CYP26B1: variants seen among roughly 807,000 people sequenced by gnomAD.
CYP26B1 encodes cytochrome P450 26B1.
In CYP26B1, 8 loss-of-function variants were observed where a neutral mutation model predicts 39.1. That is an observed-to-expected ratio of 0.20 (90% CI 0.12 to 0.37). CYP26B1 has a LOEUF of 0.37. Among genes scored for constraint, CYP26B1 ranks in the 10% least tolerant of loss-of-function variants. The pLI is 1.00. For synonymous variants in CYP26B1, 321 were observed against 314.3 expected, an observed-to-expected ratio of 1.02 and a Z score of -0.23; for missense variants, 615 against 707.0, an observed-to-expected ratio of 0.87 and a Z score of 1.48.
At chr2:72,143,145 G>C (rs1343736547) in intron 2 of CYP26B1, 3 of 163,810 alleles carry the variant, frequency 1.8e-5, no homozygotes, top group African/African-American at 7.2e-5. Flanking sequence ...TGACCCAGTG[G>C]AAAAAAATGG....
rs759456027 is a variant in CYP26B1 at position 72,133,085 on chromosome 2, T to C, written c.1084A>G (p.Met362Val). The C allele has an allele frequency of 2.0e-5, 33 of 1,613,030 alleles. 1 individual carries two copies. In the South Asian group the frequency reaches 3.5e-4, roughly 17 times the overall value. The stretch of plus-strand genomic sequence containing the variant: ...CCGGAAATGGGCGTGAACAGGCGCA[T>C]GACCTCCTTGATGACGCAGTCCAGG... ...RYLDCVIKEV[M>V]RLFTPISGGY... Residue 362 changes from methionine to valine, a missense_variant, in exon 5 of 6, where the codon ATG becomes GTG. Transcript: ENST00000001146.
At chr2:72,132,678 C>G in intron 5 of CYP26B1, 59 bp from the exon 6 acceptor site, 2 of 1,543,530 alleles carry the variant, frequency 1.3e-6, no homozygotes. Flanking sequence ...CCACAGAGGG[C>G]CCAGGACTGC....
intron 4 of CYP26B1, among the ~76,000 whole-genome samples, chr2:72,134,500 A>C (rs568391139): frequency 7.2e-5 from 11 of 152,290 alleles, no homozygotes; most frequent in African/African-American, 2.4e-4. Flanking sequence ...TGGGACTAGG[A>C]AATGAACTGA....
chr2:72,129,275 A>G lies in CYP26B1; in HGVS notation c.*2952T>C, dbSNP rs1676480496. ...GGTTTATTCTAGAAGCCTATAGAAGAGCCACATTGAGTATTTCCAAAATCA... is the reference window on the plus strand; with the variant it reads ...GGTTTATTCTAGAAGCCTATAGAAGGGCCACATTGAGTATTTCCAAAATCA... On this transcript the variant is annotated 3_prime_UTR_variant, in exon 6 of 6. Transcript: ENST00000001146. The G allele has an allele frequency of 6.6e-6, 1 of 152,460 alleles. No homozygotes were observed. Among genetic ancestry groups the G allele is most frequent in the African/African-American group, 2.4e-5 (1 of 41,462 alleles). The allele number at this position is 152,460 out of a possible 1,614,324, so 9.4% of individuals were successfully genotyped here.
At chr2:72,146,116 C>G (rs1228508108) in intron 1 of CYP26B1, among the ~76,000 whole-genome samples, 1 of 152,096 alleles carries the variant, frequency 6.6e-6, no homozygotes, top group Non-Finnish European at 1.5e-5. Context: ...GGACGCTGAC[C>G]CCCAGGGGCT....
In CYP26B1 at chr2:72,147,272, C is replaced by T. The variant is rs1324512707; in HGVS notation, c.204+359G>A. On this transcript the variant is annotated intron_variant, in intron 1 of 5. Coordinates refer to ENST00000001146, the MANE Select transcript of CYP26B1 (RefSeq NM_019885.4). The surrounding 1 kb of genome is among the most constrained non-coding windows in gnomAD (Gnocchi z 6.1). ...GGGGGCTTGCAGCACCGAGGGGAGG[C>T]GAAAGCGGCTCAGGACCGGACCCTC... Among the ~76,000 whole-genome samples, 1 of 152,166 alleles carries T rather than the reference C, an allele frequency of 6.6e-6. No homozygotes were observed. The highest frequency in any genetic ancestry group is 1.9e-4 in the East Asian group (1 of 5,170).
At chr2:72,145,638 T>C (rs1677102786) in intron 1 of CYP26B1, among the ~76,000 whole-genome samples, 3 of 152,204 alleles carry the variant, frequency 2.0e-5, no homozygotes, top group South Asian at 4.1e-4. Flanking sequence ...CTTCTTTTCC[T>C]CTGTTTTTCT....
rs546146301 is a variant in CYP26B1, at chr2:72,144,384, C to A, written c.205-171G>T. The A allele has an allele frequency of 1.6e-5, 23 of 1,432,390 alleles. 1 individual carries two copies. In the South Asian group the frequency reaches 3.0e-4, roughly 19 times the overall value. The allele number at this position is 1,432,390 out of a possible 1,614,324, so 88.7% of individuals were successfully genotyped here. On this transcript the variant is annotated intron_variant, in intron 1 of 5. Transcript: ENST00000001146. ...TTTTTCATAGCGTGCACAAGAACTGCGAAGTAGGGCCTAGAGGATAATAAA... is the reference window on the plus strand; with the variant it reads ...TTTTTCATAGCGTGCACAAGAACTGAGAAGTAGGGCCTAGAGGATAATAAA...
At chr2:72,134,983 G>C in intron 3 of CYP26B1, 67 bp from the exon 4 acceptor site, 1 of 1,605,992 alleles carries the variant, frequency 6.2e-7, no homozygotes, top group Non-Finnish European at 8.5e-7. Flanking sequence ...GGACCACCAG[G>C]GACGACTCCA....
rs1258642974 is a variant in CYP26B1 at position 72,147,078 on chromosome 2, GAC to G, written c.204+551_204+552del. Among the ~76,000 whole-genome samples, 1 of 152,186 alleles carries G rather than the reference GAC, an allele frequency of 6.6e-6. No individual in the cohort carries two copies. Among genetic ancestry groups the G allele is most frequent in the Non-Finnish European group, 1.5e-5 (1 of 68,034 alleles). ...CTTCTTCCTCTTCCACCACAAAACA[GAC>G]ACACTCGCGCGGACCGCGGACCAGG... On this transcript the variant is annotated intron_variant, in intron 1 of 5. Coordinates refer to ENST00000001146, the MANE Select transcript of CYP26B1 (RefSeq NM_019885.4). This position sits in a 1 kb window ranked among gnomAD's most constrained non-coding sequence, Gnocchi z 6.1.
intron 2 of CYP26B1, among the ~76,000 whole-genome samples, chr2:72,136,158 T>C (rs1014231365): frequency 8.5e-5 from 13 of 152,160 alleles, no homozygotes; most frequent in Admixed American, 3.9e-4. Flanking sequence ...CGTTAGTTTA[T>C]TTACCAAAAG....
intron 4 of CYP26B1, among the ~76,000 whole-genome samples, chr2:72,134,168 A>G (rs1454908751): frequency 1.3e-5 from 2 of 152,196 alleles, no homozygotes; most frequent in Non-Finnish European, 2.9e-5. Context: ...GGCTGCAGTG[A>G]GTGTCCATGG....
Position 72,147,597 on chromosome 2 carries a change from A to AT in CYP26B1, c.204+33_204+34insA, listed in dbSNP as rs1677157008. On this transcript the variant is annotated intron_variant, in intron 1 of 5. Coordinates refer to ENST00000001146, the MANE Select transcript of CYP26B1 (RefSeq NM_019885.4). This position sits in a 1 kb window ranked among gnomAD's most constrained non-coding sequence, Gnocchi z 6.1. The stretch of plus-strand genomic sequence containing the variant: ...TCTGCCCCGCGCTCGCAGCTAGCGG[A>AT]CCCCGGAGTGCAGCGGAGCGAGCGC... The AT allele has an allele frequency of 6.3e-7, 1 of 1,583,362 alleles. No individual in the cohort carries two copies.
chr2:72,137,864 C>T (rs998113621), intron 2 of CYP26B1, among the ~76,000 whole-genome samples: 2 of 152,198 alleles, frequency 1.3e-5, no homozygotes, highest in African/African-American at 4.8e-5. Flanking sequence ...CCACCCAGCA[C>T]CTGCAGGCCC....
At chr2:72,143,380 G>A (rs1209111713) in intron 2 of CYP26B1, among the ~76,000 whole-genome samples, 1 of 151,770 alleles carries the variant, frequency 6.6e-6, no homozygotes, top group East Asian at 1.9e-4. Context: ...TCGGGGGGGG[G>A]TGGGTGCGCT....
intron 2 of CYP26B1, among the ~76,000 whole-genome samples, chr2:72,143,529 C>T (rs1185890629): frequency 1.3e-5 from 2 of 152,204 alleles, no homozygotes; most frequent in African/African-American, 4.8e-5. Flanking sequence ...TGTCCCCAAC[C>T]TCCACGCGCA....
chr2:72,143,774 T>A (rs1028700693), intron 2 of CYP26B1, among the ~76,000 whole-genome samples: 1 of 152,130 alleles, frequency 6.6e-6, no homozygotes, highest in African/African-American at 2.4e-5. Context: ...GGGGTGCCCA[T>A]GACGCAGTCG....
chr2:72,140,854 A>ACTAC (rs1325389507), intron 2 of CYP26B1, among the ~76,000 whole-genome samples: 1 of 152,168 alleles, frequency 6.6e-6, no homozygotes, highest in Non-Finnish European at 1.5e-5. Flanking sequence ...AAGGGGCAAG[A>ACTAC]CTACCATTCC....
chr2:72,137,684 T>C (rs996602007), intron 2 of CYP26B1, among the ~76,000 whole-genome samples: 3 of 152,162 alleles, frequency 2.0e-5, no homozygotes, highest in Admixed American at 1.3e-4. Context: ...TTCCCAGGCC[T>C]TGGGGGCCCT....
Sources: allele counts gnomAD v4.1 joint callset (sites outside exome capture counted in the v4.1 genomes callset), GRCh38; gene constraint gnomAD v4.1.1; non-coding constraint Gnocchi (gnomAD v3.1); transcripts MANE v1.5; gene names NCBI Gene and HGNC (gene_info 2026-07-23, HGNC 2026-07-21).